The following ACYP2 variants were observed in gnomAD, a reference collection of about 807,000 sequenced individuals.
ACYP2 encodes the protein acylphosphatase-2.
In ACYP2, 12 loss-of-function variants were observed where a neutral mutation model predicts 11.2. The observed-to-expected ratio is 1.08, with a 90% CI of 0.69 to 1.74. ACYP2 has a LOEUF of 1.74. Ranked by LOEUF, ACYP2 falls within the 40% of genes most tolerant of loss-of-function variation. The pLI is 0.00. For synonymous variants in ACYP2, 43 were observed against 32.2 expected (o/e 1.33, Z -1.13); for missense variants, 134 against 101.9 (o/e 1.31, Z -1.35).
intron 6 of ACYP2, among the ~76,000 whole-genome samples, chr2:54,201,618 T>TTCTG (rs1180243507): frequency 9.8e-6 from 1 of 102,024 alleles, no homozygotes; most frequent in Non-Finnish European, 2.0e-5. Flanking sequence ...CTTTCTTTCT[T>TTCTG]TCTTTGTTTC....
intron 2 of ACYP2, among the ~76,000 whole-genome samples, chr2:53,982,569 A>G (rs906646348): frequency 2.0e-5 from 3 of 152,182 alleles, no homozygotes; most frequent in Non-Finnish European, 2.9e-5. Flanking sequence ...AGATAAAACT[A>G]ATTCAAACTC....
chr2:54,234,399 C>G (rs1572970876), intron 6 of ACYP2, among the ~76,000 whole-genome samples: 2 of 152,294 alleles, frequency 1.3e-5, no homozygotes, highest in Non-Finnish European at 2.9e-5. Context: ...TGTGCTTTGT[C>G]TTCATGATCA....
intron 6 of ACYP2, among the ~76,000 whole-genome samples, chr2:54,210,575 T>G (rs549298009): frequency 6.6e-6 from 1 of 152,326 alleles, no homozygotes. Flanking sequence ...GCCACAAGTC[T>G]AGTTCTATGG....
intron 2 of ACYP2, among the ~76,000 whole-genome samples, chr2:54,033,728 A>G (rs1674719084): frequency 6.6e-6 from 1 of 152,218 alleles, no homozygotes; most frequent in African/African-American, 2.4e-5. Flanking sequence ...AACAGACTGC[A>G]AGGAGCCAAC....
chr2:54,279,569 C>T (rs1002715830), intron 6 of ACYP2, among the ~76,000 whole-genome samples: 2 of 152,042 alleles, frequency 1.3e-5, no homozygotes, highest in African/African-American at 4.8e-5. Context: ...TTCCCAGAAC[C>T]CCCAGTGGCA....
At chr2:54,200,523 CT>C (rs1380233072) in intron 6 of ACYP2, among the ~76,000 whole-genome samples, 1 of 152,052 alleles carries the variant, frequency 6.6e-6, no homozygotes, top group Admixed American at 6.5e-5. Context: ...AATATATGCC[CT>C]TTGGTGTCTG....
At chr2:53,986,234 C>G (rs184422276) in intron 2 of ACYP2, among the ~76,000 whole-genome samples, 1 of 152,184 alleles carries the variant, frequency 6.6e-6, no homozygotes, top group African/African-American at 2.4e-5. Context: ...TATGCTGTCT[C>G]TTCTTCCCCT....
intron 2 of ACYP2, among the ~76,000 whole-genome samples, chr2:54,046,250 G>A (rs937247466): frequency 6.6e-5 from 10 of 151,668 alleles, no homozygotes; most frequent in Middle Eastern, 3.5e-3. Flanking sequence ...AGGCTGAGGC[G>A]GGTGCATTAC....
chr2:54,031,101 G>T (rs1413039148), intron 2 of ACYP2, among the ~76,000 whole-genome samples: 2 of 152,094 alleles, frequency 1.3e-5, no homozygotes, highest in Non-Finnish European at 2.9e-5. Flanking sequence ...GTCAGGGAAG[G>T]CTTCTTGGAG....
At chr2:54,152,876 C>A (rs777109584) in intron 6 of ACYP2, among the ~76,000 whole-genome samples, 1 of 152,094 alleles carries the variant, frequency 6.6e-6, no homozygotes. Flanking sequence ...GTTGCCCAGG[C>A]TGGTCTCAAA....
chr2:54,089,867 C>T (rs180835460), intron 4 of ACYP2, among the ~76,000 whole-genome samples: 325 of 152,074 alleles, frequency 2.1e-3, no homozygotes, highest in Non-Finnish European at 3.5e-3. Context: ...TTTGCTCAGC[C>T]GGACACGGTG....
chr2:54,268,061 C>T (rs1001005199), intron 6 of ACYP2, among the ~76,000 whole-genome samples: 1 of 152,178 alleles, frequency 6.6e-6, no homozygotes, highest in African/African-American at 2.4e-5. Context: ...GTATCACTAC[C>T]TAAGACACAA....
intron 4 of ACYP2, 200 bp from the exon 1 acceptor site, chr2:54,115,415 G>T (rs1679691601): frequency 6.1e-6 from 4 of 655,794 alleles, no homozygotes; most frequent in Non-Finnish European, 9.8e-6. Flanking sequence ...TAAATGGTAG[G>T]GAGCGCTGTG....
intron 6 of ACYP2, chr2:54,142,902 G>A (rs1681683942): frequency 6.6e-6 from 1 of 152,030 alleles, no homozygotes; most frequent in Admixed American, 6.6e-5. Context: ...TTATTTCTAA[G>A]TATCTTAATG....
intron 4 of ACYP2, among the ~76,000 whole-genome samples, chr2:54,121,917 G>T (rs976732052): frequency 4.6e-5 from 7 of 152,216 alleles, no homozygotes; most frequent in African/African-American, 1.7e-4. Flanking sequence ...GAATTAAATT[G>T]AAGTATTTGG....
chr2:54,027,275 C>G (rs1352911843), intron 2 of ACYP2, among the ~76,000 whole-genome samples: 1 of 152,146 alleles, frequency 6.6e-6, no homozygotes, highest in East Asian at 1.9e-4. Flanking sequence ...TTGCCTTCAC[C>G]CTTTTTCTCC....
At chr2:54,036,834 G>A (rs2104559076) in intron 2 of ACYP2, among the ~76,000 whole-genome samples, 1 of 152,166 alleles carries the variant, frequency 6.6e-6, no homozygotes, top group Admixed American at 6.5e-5. Context: ...GACTGTTTCT[G>A]GACCATATCC....
intron 2 of ACYP2, among the ~76,000 whole-genome samples, chr2:54,036,646 A>G (rs989650128): frequency 6.6e-6 from 1 of 152,216 alleles, no homozygotes; most frequent in Admixed American, 6.5e-5. Flanking sequence ...GTAAGTTAGT[A>G]AAGTGTCTTC....
At chr2:54,038,820 T>C (rs914619125) in intron 2 of ACYP2, among the ~76,000 whole-genome samples, 1 of 134,020 alleles carries the variant, frequency 7.5e-6, no homozygotes, top group Non-Finnish European at 1.6e-5. Context: ...AAAAAAAAGA[T>C]AAATAAAATA....
Sources: gnomAD v4.1 joint callset for allele counts (sites outside exome capture counted in the v4.1 genomes callset) on GRCh38, gnomAD v4.1.1 for gene constraint, MANE v1.5 for transcripts, NCBI Gene and HGNC (gene_info 2026-07-23, HGNC 2026-07-21) for gene names.